SYN3: variants seen among roughly 807,000 people sequenced by gnomAD.
SYN3 encodes synapsin-3.
Under a neutral mutation model 65.8 loss-of-function variants are expected in SYN3, and 35 were observed. That is an observed-to-expected ratio of 0.53 (90% CI 0.41 to 0.70). The LOEUF is 0.70. Among genes scored for constraint, SYN3 ranks in the 30% least tolerant of loss-of-function variants. The pLI is 0.00. For synonymous variants in SYN3, 270 were observed against 292.9 expected (o/e 0.92, Z 0.80); for missense variants, 680 against 749.0 (o/e 0.91, Z 1.08).
chr22:32,695,303 T>C (rs915762330), intron 6 of SYN3, among the ~76,000 whole-genome samples: 23 of 152,254 alleles, frequency 1.5e-4, no homozygotes, highest in Non-Finnish European at 2.9e-5. Flanking sequence ...CACATTCTGC[T>C]GATGCTAATT....
chr22:32,994,331 C>T (rs2052815758), intron 2 of SYN3, among the ~76,000 whole-genome samples: 1 of 152,096 alleles, frequency 6.6e-6, no homozygotes, highest in Admixed American at 6.5e-5. Flanking sequence ...GCAGGGGGTG[C>T]AGCGTGGGTG....
intron 6 of SYN3, among the ~76,000 whole-genome samples, chr22:32,776,862 G>A (rs541731096): frequency 6.6e-6 from 1 of 152,306 alleles, no homozygotes; most frequent in East Asian, 1.9e-4. Context: ...TCATCACTGA[G>A]ATAGGTGGGG....
intron 3 of SYN3, among the ~76,000 whole-genome samples, chr22:32,955,277 G>A (rs1896288): frequency 0.012 from 1,861 of 152,174 alleles, 51 homozygotes; most frequent in African/African-American, 0.042. Flanking sequence ...AAAGGCCAGC[G>A]GGTTCAGCAC....
At chr22:32,868,499 G>A (rs1021375998) in intron 5 of SYN3, among the ~76,000 whole-genome samples, 5 of 151,870 alleles carry the variant, frequency 3.3e-5, no homozygotes, top group African/African-American at 4.8e-5. Context: ...GGAGTGCAAC[G>A]GCACGATCTC....
intron 1 of SYN3, among the ~76,000 whole-genome samples, chr22:33,033,055 GA>G (rs2053782535): frequency 6.6e-6 from 1 of 151,164 alleles, no homozygotes; most frequent in East Asian, 1.9e-4. Context: ...TCTTGTTGCT[GA>G]GGCCGGAGAG....
At chr22:33,024,422 T>G (rs2053607373) in intron 1 of SYN3, among the ~76,000 whole-genome samples, 1 of 152,214 alleles carries the variant, frequency 6.6e-6, no homozygotes, top group Non-Finnish European at 1.5e-5. Flanking sequence ...CTGCATGTGA[T>G]CAAGCTCTCT....
At chr22:32,762,428 A>G (rs2045509095) in intron 6 of SYN3, among the ~76,000 whole-genome samples, 1 of 152,260 alleles carries the variant, frequency 6.6e-6, no homozygotes, top group South Asian at 2.1e-4. Flanking sequence ...AGTGGGAACA[A>G]CAAACAAACA....
intron 6 of SYN3, among the ~76,000 whole-genome samples, chr22:32,700,398 C>T (rs1156724813): frequency 6.6e-6 from 1 of 152,124 alleles, no homozygotes; most frequent in African/African-American, 2.4e-5. Context: ...CATAATACGG[C>T]CCTATTGTAA....
At chr22:32,780,427 G>C (rs989180656) in intron 6 of SYN3, among the ~76,000 whole-genome samples, 1 of 152,180 alleles carries the variant, frequency 6.6e-6, no homozygotes, top group Non-Finnish European at 1.5e-5. Flanking sequence ...GCAGTGCGCT[G>C]TTGGCCGCTC....
At chr22:32,615,052 G>A (rs910544524) in intron 6 of SYN3, among the ~76,000 whole-genome samples, 2 of 152,144 alleles carry the variant, frequency 1.3e-5, no homozygotes, top group South Asian at 2.1e-4. Context: ...AGCCGACAGT[G>A]GTGACACTCT....
chr22:32,672,146 C>T (rs1302808670), intron 6 of SYN3, among the ~76,000 whole-genome samples: 2 of 152,186 alleles, frequency 1.3e-5, no homozygotes, highest in African/African-American at 4.8e-5. Context: ...TGTGTCCTTT[C>T]ACTAGTGATG....
intron 6 of SYN3, among the ~76,000 whole-genome samples, chr22:32,792,023 A>C (rs377501215): frequency 1.3e-5 from 2 of 152,204 alleles, no homozygotes; most frequent in East Asian, 3.9e-4. Flanking sequence ...GTTCTCATTC[A>C]CCTTTATACC....
At chr22:32,647,314 G>A (rs889117384) in intron 6 of SYN3, among the ~76,000 whole-genome samples, 4 of 152,204 alleles carry the variant, frequency 2.6e-5, no homozygotes, top group Non-Finnish European at 5.9e-5. Flanking sequence ...ACAGGCATAT[G>A]AGGTAGGGAC....
At chr22:32,650,292 A>G (rs1205261993) in intron 6 of SYN3, among the ~76,000 whole-genome samples, 1 of 113,078 alleles carries the variant, frequency 8.8e-6, no homozygotes, top group Non-Finnish European at 1.6e-5. Flanking sequence ...TTTGAGACAG[A>G]GTCTCACTCT....
chr22:32,910,413 C>T (rs1456985933), intron 4 of SYN3, among the ~76,000 whole-genome samples: 2 of 152,160 alleles, frequency 1.3e-5, no homozygotes, highest in East Asian at 3.9e-4. Context: ...TCGAGAACCA[C>T]ATGACATGAT....
chr22:32,822,938 AAC>A (rs1419569333), intron 6 of SYN3, among the ~76,000 whole-genome samples: 181 of 116,294 alleles, frequency 1.6e-3, no homozygotes, highest in East Asian at 5.1e-3. Context: ...ACAAAAAAAA[AAC>A]AGAGAGAGAG....
chr22:32,894,351 C>T (rs2049533126), intron 4 of SYN3, among the ~76,000 whole-genome samples: 2 of 152,224 alleles, frequency 1.3e-5, no homozygotes, highest in Admixed American at 1.3e-4. Flanking sequence ...CTGATAAATG[C>T]TGTGGGTTGG....
chr22:32,988,575 A>T (rs1418702216), intron 2 of SYN3, among the ~76,000 whole-genome samples: 3 of 152,000 alleles, frequency 2.0e-5, no homozygotes, highest in Non-Finnish European at 2.9e-5. Context: ...GGGGCTTACT[A>T]CCTAATGGGA....
chr22:32,566,618 T>C (rs2058675039), intron 7 of SYN3, among the ~76,000 whole-genome samples: 3 of 152,108 alleles, frequency 2.0e-5, no homozygotes, highest in Admixed American at 6.5e-5. Context: ...GATTTTCTAT[T>C]TGGAGGTCAT....
Sources: allele counts gnomAD v4.1 joint callset (sites outside exome capture counted in the v4.1 genomes callset), GRCh38; gene constraint gnomAD v4.1.1; transcripts MANE v1.5; gene names NCBI Gene and HGNC (gene_info 2026-07-23, HGNC 2026-07-21).